The following CNTN4 variants were observed in gnomAD, a reference collection of about 807,000 sequenced individuals.
CNTN4 encodes the protein contactin 4.
A neutral mutation model predicts 122.5 loss-of-function variants in CNTN4; 77 were observed. That is an observed-to-expected ratio of 0.63 (90% confidence interval 0.52 to 0.76). The LOEUF (loss-of-function observed/expected upper bound fraction) is 0.76. Among genes scored for constraint, CNTN4 ranks in the 30% least tolerant of loss-of-function variants. CNTN4 has a pLI of 0.00. For missense variants in CNTN4, 1,256 were observed against 1,259.1 expected, an observed-to-expected ratio of 1.00 and a Z score of 0.04; for synonymous variants, 512 against 447.0, an observed-to-expected ratio of 1.15 and a Z score of -1.83.
intron 9 of CNTN4, among the ~76,000 whole-genome samples, chr3:2,886,513 CTTTT>C (rs200813621): frequency 7.3e-6 from 1 of 136,868 alleles, no homozygotes; most frequent in Non-Finnish European, 1.6e-5. Flanking sequence ...AGATAGATCA[CTTTT>C]TTTTTTTTTT....
At chr3:2,758,496 C>T (rs1202433718) in intron 6 of CNTN4, among the ~76,000 whole-genome samples, 1 of 149,484 alleles carries the variant, frequency 6.7e-6, no homozygotes, top group African/African-American at 2.4e-5. Flanking sequence ...GAAGGTGTTG[C>T]CTCTTACTTT....
At chr3:2,884,626 A>G (rs915422659) in intron 9 of CNTN4, among the ~76,000 whole-genome samples, 1 of 152,182 alleles carries the variant, frequency 6.6e-6, no homozygotes, top group African/African-American at 2.4e-5. Context: ...TTTTTATTTT[A>G]AAGTATTTGT....
rs75535332 is a variant in CNTN4, at chr3:2,835,860, A to G, written c.454+16279A>G. 6.8e-3 allele frequency among the ~76,000 whole-genome samples: 1,041 copies of G among 152,258 alleles called. 9 individuals are homozygous for G. Among genetic ancestry groups the G allele is most frequent in the Middle Eastern group, 0.041 (12 of 294 alleles). ...TATTCACCTCATGCAATTCAAAGGAACATAGCACAAACCTAGGGGAAATGG... is the reference window on the plus strand; with the variant it reads ...TATTCACCTCATGCAATTCAAAGGAGCATAGCACAAACCTAGGGGAAATGG... On this transcript the variant is annotated intron_variant, in intron 7 of 24. Coordinates refer to ENST00000418658, the MANE Select transcript of CNTN4 (RefSeq NM_175607.3).
chr3:2,515,507 A>G (rs990537923), intron 3 of CNTN4, among the ~76,000 whole-genome samples: 2 of 152,200 alleles, frequency 1.3e-5, no homozygotes, highest in African/African-American at 4.8e-5. Context: ...AATAAAAGGC[A>G]TACATCATTT....
chr3:2,429,522 G>A (rs1267991200), intron 3 of CNTN4, among the ~76,000 whole-genome samples: 1 of 152,174 alleles, frequency 6.6e-6, no homozygotes, highest in Non-Finnish European at 1.5e-5. Context: ...TAGGCTACTT[G>A]GAGGTCAGGG....
At chr3:2,112,593 T>G (rs916917303) in intron 2 of CNTN4, among the ~76,000 whole-genome samples, 2 of 152,322 alleles carry the variant, frequency 1.3e-5, no homozygotes, top group African/African-American at 4.8e-5. Context: ...ATTTCATCTT[T>G]GTATGTTGGT....
intron 2 of CNTN4, among the ~76,000 whole-genome samples, chr3:2,115,700 G>T (rs766035641): frequency 1.3e-5 from 2 of 152,222 alleles, no homozygotes; most frequent in African/African-American, 4.8e-5. Flanking sequence ...GTGGTGTATA[G>T]CTTTATTCAA....
chr3:2,416,084 GT>G (rs1319772299), intron 3 of CNTN4, among the ~76,000 whole-genome samples: 1 of 151,884 alleles, frequency 6.6e-6, no homozygotes, highest in African/African-American at 2.4e-5. Flanking sequence ...AGTGTGCCAT[GT>G]TCTCACAGAG....
At chr3:2,674,875 A>G (rs931032990) in intron 4 of CNTN4, among the ~76,000 whole-genome samples, 1 of 151,930 alleles carries the variant, frequency 6.6e-6, no homozygotes, top group Non-Finnish European at 1.5e-5. Context: ...ACCTCTCCCT[A>G]TCCCCACCTG....
chr3:2,256,304 C>G (rs1366209092), intron 2 of CNTN4, among the ~76,000 whole-genome samples: 2 of 152,094 alleles, frequency 1.3e-5, no homozygotes, highest in Admixed American at 1.3e-4. Context: ...AATTAATAGT[C>G]TACCAACCAA....
At chr3:2,323,269 G>T (rs2043333284) in intron 2 of CNTN4, among the ~76,000 whole-genome samples, 1 of 152,110 alleles carries the variant, frequency 6.6e-6, no homozygotes, top group African/African-American at 2.4e-5. Context: ...GTCTGTCCCT[G>T]GAGCACAAAC....
chr3:2,599,660 C>A (rs962452427), intron 4 of CNTN4, among the ~76,000 whole-genome samples: 2 of 152,160 alleles, frequency 1.3e-5, no homozygotes, highest in African/African-American at 4.8e-5. Context: ...CTTTATCAAA[C>A]TTCTCTTGGT....
chr3:2,340,565 C>A (rs761509250), intron 3 of CNTN4, among the ~76,000 whole-genome samples: 17 of 150,812 alleles, frequency 1.1e-4, no homozygotes, highest in Non-Finnish European at 2.4e-4. Context: ...CCTGTAGTCC[C>A]ACTACTGGGA....
At chr3:2,197,928 T>C (rs889399949) in intron 2 of CNTN4, among the ~76,000 whole-genome samples, 2 of 151,150 alleles carry the variant, frequency 1.3e-5, no homozygotes, top group African/African-American at 4.9e-5. Flanking sequence ...GGCAGGAGAA[T>C]CGCTTGAACC....
chr3:2,787,341 T>A (rs7623022), intron 6 of CNTN4, among the ~76,000 whole-genome samples: 78,221 of 151,800 alleles, frequency 0.52, 20,227 homozygotes, highest in East Asian at 0.6. Context: ...ATGCCACTGC[T>A]CTCCAGCCTG....
intron 10 of CNTN4, among the ~76,000 whole-genome samples, chr3:2,894,444 G>A (rs189063876): frequency 3.7e-4 from 56 of 152,306 alleles, no homozygotes; most frequent in African/African-American, 1.2e-3. Context: ...TGCTAACTGA[G>A]CTACTTTCTG....
rs993315995 is a variant in CNTN4 at position 2,736,430 on chromosome 3, A to G, written c.182+89A>G. ...CTTATACAATGCTGGTTACATAAAG[A>G]GCTTTTATTTATTTATTTTATTTTA... On this transcript the variant is annotated intron_variant, in intron 5 of 24. Transcript: ENST00000418658. 3.6e-6 allele frequency: 3 copies of G among 830,760 alleles called. No homozygotes were observed. The African/African-American group carries it at 5.5e-5, about 15-fold the overall frequency. 51.5% of individuals were successfully genotyped at this position (830,760 alleles called of 1,614,324 possible). A position where few individuals can be genotyped will look rare whatever the true frequency, so the allele number is the denominator to read the frequency against.
intron 3 of CNTN4, among the ~76,000 whole-genome samples, chr3:2,486,843 G>A (rs1478010055): frequency 1.3e-5 from 2 of 152,190 alleles, no homozygotes; most frequent in African/African-American, 4.8e-5. Context: ...GGACCATTTA[G>A]AGTGTTGAAT....
intron 3 of CNTN4, among the ~76,000 whole-genome samples, chr3:2,541,510 T>A (rs1185161531): frequency 8.5e-5 from 13 of 152,108 alleles, no homozygotes; most frequent in Non-Finnish European, 1.8e-4. Flanking sequence ...AGCTTCGTTC[T>A]CCCTAAAGTG....
Sources: gnomAD v4.1 joint callset for allele counts (sites outside exome capture counted in the v4.1 genomes callset) on GRCh38, gnomAD v4.1.1 for gene constraint, MANE v1.5 for transcripts, NCBI Gene and HGNC (gene_info 2026-07-23, HGNC 2026-07-21) for gene names.